Variants in CSNK1G1 observed in about 807,000 individuals in gnomAD.
CSNK1G1 encodes the protein casein kinase 1 gamma 1.
A neutral mutation model predicts 59.6 loss-of-function variants in CSNK1G1; 22 were observed. The ratio of observed to expected loss-of-function variants is 0.37; its 90% confidence interval spans 0.26 to 0.53. CSNK1G1 has a LOEUF of 0.53. Ranked by LOEUF, CSNK1G1 falls within the 20% of genes least tolerant of loss-of-function variation. The probability of loss-of-function intolerance (pLI) is 0.89; values close to 1 mark genes in which losing one functional copy is unlikely to be tolerated. For synonymous variants in CSNK1G1, 179 were observed against 177.1 expected (o/e 1.01, Z -0.08); for missense variants, 384 against 519.5 (o/e 0.74, Z 2.54).
At position 64,220,934 on chromosome 15, in the gene CSNK1G1, A is replaced by C. The variant is rs546365637; in HGVS notation, c.293-4221T>G. On this transcript the variant is annotated intron_variant, in intron 4 of 11. Transcript: ENST00000303052. Reference sequence around the variant, plus strand: ...TCCAGAAGCCATCTAGAATCACCAGACATCTTGACGATGTAAAGTAGTGCC... The same window carrying C: ...TCCAGAAGCCATCTAGAATCACCAGCCATCTTGACGATGTAAAGTAGTGCC... Among the ~76,000 whole-genome samples the C allele has an allele frequency of 5.3e-5, 8 of 152,312 alleles. No individual in the cohort carries two copies. In the South Asian group the frequency reaches 1.7e-3, roughly 32 times the overall value.
chr15:64,248,903 G>A (rs1427189861), intron 4 of CSNK1G1, among the ~76,000 whole-genome samples: 2 of 152,084 alleles, frequency 1.3e-5, no homozygotes, highest in African/African-American at 4.8e-5. Context: ...GGCGGATCAC[G>A]AGGTCAGGAG....
chr15:64,217,575 T>A (rs2082328506), intron 4 of CSNK1G1, among the ~76,000 whole-genome samples: 1 of 152,138 alleles, frequency 6.6e-6, no homozygotes, highest in South Asian at 2.1e-4. Context: ...AGTCCAGCAC[T>A]TTGGGAGGCT....
intron 10 of CSNK1G1, among the ~76,000 whole-genome samples, chr15:64,190,011 A>G (rs2081950016): frequency 6.6e-6 from 1 of 151,962 alleles, no homozygotes; most frequent in Non-Finnish European, 1.5e-5. Flanking sequence ...CAGTAGAGAC[A>G]GGGTTTCACC....
intron 3 of CSNK1G1, among the ~76,000 whole-genome samples, chr15:64,257,794 A>G (rs28444557): frequency 0.2 from 29,764 of 152,086 alleles, 4,064 homozygotes; most frequent in African/African-American, 0.39. Flanking sequence ...AAAGTGCTTG[A>G]ATTACAGGCA....
chr15:64,268,936 C>T (rs1324106343), intron 2 of CSNK1G1, among the ~76,000 whole-genome samples: 1 of 152,156 alleles, frequency 6.6e-6, no homozygotes, highest in Non-Finnish European at 1.5e-5. Flanking sequence ...TACAAAAGTG[C>T]TCAAGGAGCC....
chr15:64,173,612 T>C (rs1429681199), intron 11 of CSNK1G1, among the ~76,000 whole-genome samples: 3 of 149,414 alleles, frequency 2.0e-5, no homozygotes, highest in African/African-American at 5.0e-5. Context: ...TTTCTTTCTT[T>C]TCTTTTCTTT....
At chr15:64,260,669 T>C (rs1412938828) in intron 2 of CSNK1G1, among the ~76,000 whole-genome samples, 1 of 151,868 alleles carries the variant, frequency 6.6e-6, no homozygotes, top group Non-Finnish European at 1.5e-5. Context: ...ACCCAGGAGG[T>C]GTAGGCTACA....
At chr15:64,339,483 C>T (rs1436409707) in intron 1 of CSNK1G1, among the ~76,000 whole-genome samples, 1 of 151,942 alleles carries the variant, frequency 6.6e-6, no homozygotes, top group Non-Finnish European at 1.5e-5. Flanking sequence ...CGGCTAATTT[C>T]TGTATTTTTA....
chr15:64,251,207 T>G (rs1892061764), intron 4 of CSNK1G1, among the ~76,000 whole-genome samples: 1 of 152,198 alleles, frequency 6.6e-6, no homozygotes, highest in Admixed American at 6.5e-5. Context: ...TCTTTTGGTA[T>G]AAGTAAAGAA....
At chr15:64,355,230 C>T (rs779805138) in intron 1 of CSNK1G1, among the ~76,000 whole-genome samples, 4 of 152,152 alleles carry the variant, frequency 2.6e-5, no homozygotes, top group Non-Finnish European at 4.4e-5. Flanking sequence ...TTGTTAAATG[C>T]TTTTCAGAAT....
intron 11 of CSNK1G1, among the ~76,000 whole-genome samples, chr15:64,179,681 C>T (rs1020647396): frequency 6.6e-6 from 1 of 152,096 alleles, no homozygotes; most frequent in African/African-American, 2.4e-5. Context: ...CACCTTCCAC[C>T]CCAGATTTTA....
At chr15:64,292,082 C>T (rs770015590) in intron 2 of CSNK1G1, among the ~76,000 whole-genome samples, 5 of 151,742 alleles carry the variant, frequency 3.3e-5, no homozygotes, top group South Asian at 2.1e-4. Flanking sequence ...TGGTGGCAGG[C>T]GCCTGTAGTC....
intron 10 of CSNK1G1, among the ~76,000 whole-genome samples, chr15:64,198,859 A>G (rs1284094532): frequency 1.3e-5 from 2 of 152,132 alleles, no homozygotes; most frequent in African/African-American, 4.8e-5. Flanking sequence ...AATTTTACCC[A>G]GCAAGGATTC....
intron 1 of CSNK1G1, among the ~76,000 whole-genome samples, chr15:64,354,219 C>T (rs1285822939): frequency 6.6e-6 from 1 of 151,974 alleles, no homozygotes; most frequent in African/African-American, 2.4e-5. Context: ...GCAGGAGAAT[C>T]GCTTGAATCC....
chr15:64,215,204 CTTTTTTT>C lies in CSNK1G1; in HGVS notation c.445-1087_445-1081del, dbSNP rs11343127. ...TCTATCTACTAAGCTTTTCTACTAA[CTTTTTTT>C]TTTTTTTTTTTTTTTTTTTGAGATG... is the stretch of plus-strand genomic sequence containing the variant. On this transcript the variant is annotated intron_variant, in intron 5 of 11. Transcript: ENST00000303052. Among the ~76,000 whole-genome samples the C allele has an allele frequency of 3.9e-3, 321 of 81,782 alleles. 3 individuals carry two copies. Among genetic ancestry groups the C allele is most frequent in the Non-Finnish European group, 5.0e-3 (240 of 47,746 alleles). The allele number at this position is 81,782 out of a possible 152,430, so 53.7% of individuals were successfully genotyped here. A position where few individuals can be genotyped will look rare whatever the true frequency, so the allele number is the denominator to read the frequency against.
intron 1 of CSNK1G1, among the ~76,000 whole-genome samples, chr15:64,352,893 T>C (rs370582420): frequency 5.3e-5 from 8 of 151,538 alleles, no homozygotes; most frequent in East Asian, 4.0e-4. Flanking sequence ...GTTCGAGACC[T>C]GCCTGGCCAA....
chr15:64,182,934 T>C (rs1248682212), intron 10 of CSNK1G1, among the ~76,000 whole-genome samples: 1 of 152,236 alleles, frequency 6.6e-6, no homozygotes, highest in African/African-American at 2.4e-5. Context: ...AATGCTATCC[T>C]GTTAATTTCC....
Position 64,271,374 on chromosome 15 carries a change from G to A in CSNK1G1, c.182-12133C>T, listed in dbSNP as rs184662781. 3.9e-5 allele frequency among the ~76,000 whole-genome samples: 6 copies of A among 151,974 alleles called. No homozygotes were observed. In the East Asian group the frequency reaches 5.8e-4, roughly 15 times the overall value. On this transcript the variant is annotated intron_variant, in intron 2 of 11. Transcript: ENST00000303052. ...CCCATCTTGGCTCACTGCAACCTCC[G>A]CCTCCCCAAGACGCAAGCAATCCTC...
chr15:64,233,205 T>C (rs556989611), intron 4 of CSNK1G1, among the ~76,000 whole-genome samples: 1 of 152,334 alleles, frequency 6.6e-6, no homozygotes, highest in South Asian at 2.1e-4. Flanking sequence ...GTGTCAGTAC[T>C]TTGTGTTACT....
Sources: allele counts gnomAD v4.1 joint callset (sites outside exome capture counted in the v4.1 genomes callset), GRCh38; gene constraint gnomAD v4.1.1; transcripts MANE v1.5; gene names NCBI Gene and HGNC (gene_info 2026-07-23, HGNC 2026-07-21).